Variants in RTN4 observed in about 807,000 individuals in gnomAD.
RTN4 encodes the protein reticulon 4.
Under a neutral mutation model 90.4 loss-of-function variants are expected in RTN4, and 32 were observed. The observed-to-expected ratio is 0.35, with a 90% CI of 0.27 to 0.48. The LOEUF is 0.48. Among genes scored for constraint, RTN4 ranks in the 20% least tolerant of loss-of-function variants. The probability of loss-of-function intolerance (pLI) is 0.99; values close to 1 mark genes in which losing one functional copy is unlikely to be tolerated. For synonymous variants in RTN4, 629 were observed against 552.5 expected, an observed-to-expected ratio of 1.14 and a Z score of -1.94; for missense variants, 1,706 against 1,430.2, an observed-to-expected ratio of 1.19 and a Z score of -3.11.
chr2:55,120,987 A>C, the RTN4 span, among the ~76,000 whole-genome samples: 1 of 152,142 alleles, frequency 6.6e-6, no homozygotes, highest in African/African-American at 2.4e-5. Flanking sequence ...ACAGCTGGAA[A>C]AATTCCCATG....
At chr2:55,010,319 A>C in intron 3 of RTN4, 3 of 1,393,358 alleles carry the variant, frequency 2.2e-6, no homozygotes, top group African/African-American at 2.9e-5. Flanking sequence ...GACGCAGTGC[A>C]ATCTGTAACT....
chr2:55,062,898 T>C (rs1314490561), intron 2 of RTN4, among the ~76,000 whole-genome samples: 1 of 152,224 alleles, frequency 6.6e-6, no homozygotes, highest in African/African-American at 2.4e-5. Flanking sequence ...TTACTTTGAA[T>C]AAAAACTGTA....
At chr2:55,131,165 C>A in the RTN4 span, among the ~76,000 whole-genome samples, 1 of 151,706 alleles carries the variant, frequency 6.6e-6, no homozygotes, top group Non-Finnish European at 1.5e-5. Context: ...ACAACCTCCA[C>A]CTCTTGGGCT....
At chr2:54,994,939 A>C (rs1679298996) in intron 3 of RTN4, among the ~76,000 whole-genome samples, 1 of 152,164 alleles carries the variant, frequency 6.6e-6, no homozygotes, top group Admixed American at 6.5e-5. Context: ...CTGGTCACAA[A>C]AACATCATCA....
intron 2 of RTN4, 123 bp from the exon 3 acceptor site, chr2:55,027,608 T>C: frequency 2.2e-6 from 2 of 929,144 alleles, no homozygotes; most frequent in Non-Finnish European, 3.2e-6. Context: ...GAAATGTTAA[T>C]AGCAATTAAT....
the RTN4 span, among the ~76,000 whole-genome samples, chr2:55,132,251 C>G: frequency 6.6e-6 from 1 of 152,160 alleles, no homozygotes; most frequent in African/African-American, 2.4e-5. Flanking sequence ...GCTTGCAATC[C>G]CAGCACTTTG....
intron 1 of RTN4, among the ~76,000 whole-genome samples, chr2:55,110,420 C>T (rs1203100947): frequency 1.3e-5 from 2 of 152,064 alleles, no homozygotes; most frequent in Non-Finnish European, 1.5e-5. Context: ...CCCCTTCTCA[C>T]CTTCCATTTC....
chr2:55,021,178 C>A (rs973125577), intron 3 of RTN4, among the ~76,000 whole-genome samples: 1 of 151,972 alleles, frequency 6.6e-6, no homozygotes, highest in Non-Finnish European at 1.5e-5. Context: ...GAGAAGAGAG[C>A]TTCCCTTATG....
chr2:55,111,695 T>A (rs1668040590), intron 1 of RTN4, among the ~76,000 whole-genome samples: 1 of 152,132 alleles, frequency 6.6e-6, no homozygotes, highest in Admixed American at 6.5e-5. Flanking sequence ...TGGAGGAAAT[T>A]CAACGAAATC....
At chr2:55,020,809 G>A (rs1325724201) in intron 3 of RTN4, among the ~76,000 whole-genome samples, 1 of 152,032 alleles carries the variant, frequency 6.6e-6, no homozygotes, top group African/African-American at 2.4e-5. Context: ...AGGAGTTTGA[G>A]ACCAGCCTAG....
At chr2:54,977,704 C>A (rs1212024581) in intron 5 of RTN4, among the ~76,000 whole-genome samples, 1 of 152,048 alleles carries the variant, frequency 6.6e-6, no homozygotes, top group African/African-American at 2.4e-5. Context: ...TAGTTTAATG[C>A]CACAACTTTT....
intron 3 of RTN4, among the ~76,000 whole-genome samples, chr2:54,997,278 T>C (rs541526668): frequency 1.3e-5 from 2 of 152,264 alleles, no homozygotes; most frequent in East Asian, 1.9e-4. Context: ...TTAGTCATTA[T>C]AAAAATGCAA....
At chr2:55,104,870 G>A (rs770058723) in intron 1 of RTN4, among the ~76,000 whole-genome samples, 11 of 151,908 alleles carry the variant, frequency 7.2e-5, no homozygotes, top group Non-Finnish European at 1.6e-4. Flanking sequence ...GCAGTGGTGC[G>A]ATCTTGGTTC....
intron 2 of RTN4, among the ~76,000 whole-genome samples, chr2:55,075,790 A>G (rs1207279958): frequency 6.6e-6 from 1 of 152,212 alleles, no homozygotes; most frequent in Non-Finnish European, 1.5e-5. Context: ...AAAGCCAAAT[A>G]TTTATAGTCA....
At chr2:54,983,834 G>C (rs948370944) in intron 4 of RTN4, among the ~76,000 whole-genome samples, 1 of 152,122 alleles carries the variant, frequency 6.6e-6, no homozygotes, top group Non-Finnish European at 1.5e-5. Flanking sequence ...CATTGCAAAA[G>C]GCATTTAACT....
chr2:54,987,337 A>G (rs1678644325), intron 4 of RTN4, among the ~76,000 whole-genome samples, 154 bp downstream of exon 4: 1 of 152,240 alleles, frequency 6.6e-6, no homozygotes, highest in South Asian at 2.1e-4. Context: ...GAAAATCTCA[A>G]AAGCAGATGT....
intron 3 of RTN4, among the ~76,000 whole-genome samples, chr2:55,000,314 T>G (rs533201163): frequency 1.2e-3 from 176 of 152,268 alleles, no homozygotes; most frequent in African/African-American, 4.1e-3. Flanking sequence ...CTTGGCTATC[T>G]CCTCTTCCTT....
At chr2:55,097,301 CAAAA>C (rs5831338) in intron 1 of RTN4, among the ~76,000 whole-genome samples, 1 of 108,994 alleles carries the variant, frequency 9.2e-6, no homozygotes. Context: ...AATTCTGTCT[CAAAA>C]AAAAAAAAAA....
intron 2 of RTN4, among the ~76,000 whole-genome samples, chr2:55,066,193 TTGTGTGTGTGTG>T (rs57202019): frequency 1.8e-5 from 2 of 110,944 alleles, no homozygotes; most frequent in Non-Finnish European, 4.2e-5. Flanking sequence ...GTGTGTGTGT[TTGTGTGTGTGTG>T]TGTGTGTGTG....
Sources: allele counts gnomAD v4.1 joint callset (sites outside exome capture counted in the v4.1 genomes callset), GRCh38; gene constraint gnomAD v4.1.1; transcripts MANE v1.5; gene names NCBI Gene and HGNC (gene_info 2026-07-23, HGNC 2026-07-21).